Variants in TPRKB observed in about 807,000 individuals in gnomAD.
TPRKB encodes EKC/KEOPS complex subunit TPRKB.
A neutral mutation model predicts 17.8 loss-of-function variants in TPRKB; 11 were observed. The ratio of observed to expected loss-of-function variants is 0.62; its 90% confidence interval spans 0.39 to 1.02. The LOEUF (loss-of-function observed/expected upper bound fraction) is 1.02, where lower values mean the gene tolerates loss of function less well. Among genes scored for constraint, TPRKB ranks in the 50% least tolerant of loss-of-function variants. TPRKB has a pLI of 0.00. For missense variants in TPRKB, 228 were observed against 198.0 expected (o/e 1.15, Z -0.91); for synonymous variants, 71 against 69.5 (o/e 1.02, Z -0.11).
rs765629057 is a variant in TPRKB, at chr2:73,729,968, C to G, written c.503G>C (p.Arg168Thr). The G allele has an allele frequency of 3.8e-6, 6 of 1,572,368 alleles. No individual in the cohort carries two copies. The highest frequency in any genetic ancestry group is 5.2e-6 in the Non-Finnish European group (6 of 1,155,416). Reference protein sequence around the residue: ...IGTLLDAIICRMSTKDVL With the variant: ...IGTLLDAIICTMSTKDVL ...TCATAAAACATCTTTTGTTGACATT[C>G]TACAAATGATAGCATCCAATAATGT... The change falls in exon 5 of 5, where the codon AGA (arginine) becomes ACA (threonine). Residue 168 changes from arginine to threonine, a missense_variant. Coordinates refer to ENST00000272424, the MANE Select transcript of TPRKB (RefSeq NM_016058.5).
Position 73,729,879 on chromosome 2 carries a change from A to C in TPRKB, c.*64T>G. 2 of 1,373,576 alleles carry C rather than the reference A, an allele frequency of 1.5e-6. No homozygotes were observed. The highest frequency in any genetic ancestry group is 1.9e-6 in the Non-Finnish European group (2 of 1,039,954). The allele number at this position is 1,373,576 out of a possible 1,614,324, so 85.1% of individuals were successfully genotyped here. ...TTCTATAATGCACAATTAGTTTTAT[A>C]GTCAGGAAAGGAAAATCAATGTTTT... is the stretch of plus-strand genomic sequence containing the variant. On this transcript the variant is annotated 3_prime_UTR_variant, in exon 5 of 5. Transcript: ENST00000272424.
chr2:73,732,140 A>G (rs1671639206), intron 3 of TPRKB, 23 bp downstream of exon 3: 8 of 1,607,592 alleles, frequency 5.0e-6, no homozygotes, highest in Non-Finnish European at 6.8e-6. Flanking sequence ...CACGGTCAAC[A>G]GAAATAGGAA....
rs1671566301 is a variant in TPRKB, at chr2:73,730,736, T to G, written c.265A>C (p.Ile89Leu). The G allele has an allele frequency of 6.7e-7, 1 of 1,503,540 alleles. No individual in the cohort carries two copies. The highest frequency in any genetic ancestry group is 2.6e-5 in the East Asian group (1 of 38,864). The allele number at this position is 1,503,540 out of a possible 1,614,324, so 93.1% of individuals were successfully genotyped here. A position where few individuals can be genotyped will look rare whatever the true frequency, so the allele number is the denominator to read the frequency against. Residue 89 changes from isoleucine (I) to leucine (L), a missense_variant and splice_region_variant, in exon 4 of 5, where the codon ATT (isoleucine) becomes CTT (leucine). By Grantham distance (5) the Ile-to-Leu change is conservative. Coordinates refer to ENST00000272424, the MANE Select transcript of TPRKB (RefSeq NM_016058.5). ...CCAAATTTTTTCAAAGCCTCTGAAA[T>G]CTAAGAGAAAAAAAATGAAAAAAAA... Reference protein sequence around the residue: ...IIFNLSPNNNISEALKKFGIS... With the variant: ...IIFNLSPNNNLSEALKKFGIS...
intron 4 of TPRKB, 27 bp from the exon 5 acceptor site, chr2:73,730,056 C>T (rs1671525703): frequency 6.5e-7 from 1 of 1,530,946 alleles, no homozygotes; most frequent in Non-Finnish European, 8.8e-7. Flanking sequence ...CAAATTATGA[C>T]TTGCTGATAT....
rs1226613326 is a variant in TPRKB at position 73,730,011 on chromosome 2, G to T, written c.460C>A (p.Gln154Lys). The T allele has an allele frequency of 6.4e-7, 1 of 1,572,018 alleles. No individual in the cohort carries two copies. Among genetic ancestry groups the T allele is most frequent in the African/African-American group, 1.4e-5 (1 of 73,946 alleles). The change falls in exon 5 of 5, where the codon CAA becomes AAA. Residue 154 changes from glutamine to lysine, a missense_variant. Transcript: ENST00000272424. ...EVKKIYKLSS[Q>K]EESIGTLLDA... ...AATAATGTCCCAATACTTTCTTCTT[G>T]TGAAGAGAGTTTATATATCTGTAAA...
At chr2:73,732,332 G>A in intron 2 of TPRKB, 47 bp from the exon 3 acceptor site, 1 of 1,590,364 alleles carries the variant, frequency 6.3e-7, no homozygotes, top group Non-Finnish European at 8.6e-7. Context: ...AGAATCTGCA[G>A]TGCCTGAAAA....
chr2:73,732,182 T>C lies in TPRKB; in HGVS notation c.245A>G (p.Asn82Ser), dbSNP rs147434102. 142 of 1,613,660 alleles carry C rather than the reference T, an allele frequency of 8.8e-5. No homozygotes were observed. The highest frequency in any genetic ancestry group is 3.6e-4 in the East Asian group (16 of 44,874). ...CATTACATTGTTATTTGGGGAAAGG[T>C]TGAAAATAATTTCAGTAGATAGAGT... ...TRTLSTEIIFNLSPNNNISEA... is the reference protein window; with the variant it reads ...TRTLSTEIIFSLSPNNNISEA... Residue 82 changes from asparagine (N) to serine (S), a missense_variant, in exon 3 of 5, where the codon AAC (asparagine) becomes AGC (serine). Transcript: ENST00000272424.
intron 1 of TPRKB, among the ~76,000 whole-genome samples, chr2:73,735,057 A>G (rs150857038): frequency 7.4e-4 from 113 of 152,332 alleles, no homozygotes; most frequent in African/African-American, 2.6e-3. Flanking sequence ...GGCTGGGTGC[A>G]GTGGCTCATG....
In TPRKB at chr2:73,730,549, G is replaced by C; in HGVS notation, c.441+11C>G. 6.4e-7 allele frequency: 1 copy of C among 1,559,884 alleles called. No homozygotes were observed. The highest frequency in any genetic ancestry group is 1.2e-5 in the South Asian group (1 of 82,094). On this transcript the variant is annotated intron_variant, in intron 4 of 4. Coordinates refer to ENST00000272424, the MANE Select transcript of TPRKB (RefSeq NM_016058.5). ...CTATCACACTCTTTCTAAAAATATG[G>C]ACTGGCAAACCTTTTTGACTTCTGT...
At chr2:73,733,246 G>GTTTTTTTTTTTTTTTTTTTTT (rs3076394) in intron 2 of TPRKB, among the ~76,000 whole-genome samples, 4 of 119,378 alleles carry the variant, frequency 3.4e-5, no homozygotes, top group African/African-American at 8.8e-5. Context: ...CGTGTGCCCT[G>GTTTTTTTTTTTTTTTTTTTTT]TTTTTTTGTT....
chr2:73,731,852 C>T (rs558213533), intron 3 of TPRKB: 16 of 213,376 alleles, frequency 7.5e-5, no homozygotes, highest in Middle Eastern at 1.7e-3. Context: ...AAAATATCCA[C>T]GCCTAATGTT....
At chr2:73,734,654 T>A in intron 1 of TPRKB, 63 bp from the exon 2 acceptor site, 1 of 1,373,308 alleles carries the variant, frequency 7.3e-7, no homozygotes, top group Non-Finnish European at 9.8e-7. Flanking sequence ...ACTCATTTCT[T>A]AATAAATATT....
intron 2 of TPRKB, among the ~76,000 whole-genome samples, chr2:73,733,198 T>TAC (rs1246878855): frequency 6.6e-6 from 1 of 151,326 alleles, no homozygotes; most frequent in Non-Finnish European, 1.5e-5. Context: ...GCCTAAGTAG[T>TAC]AGGTCTGGGA....
intron 1 of TPRKB, among the ~76,000 whole-genome samples, chr2:73,736,430 CATA>C (rs1017130879): frequency 3.3e-5 from 5 of 152,170 alleles, no homozygotes; most frequent in Admixed American, 6.5e-5. Context: ...CATGAGTACA[CATA>C]ATAAGAAAGG....
rs747967676 is a variant in TPRKB, at chr2:73,730,029, T to C, written c.442A>G (p.Ile148Val). The C allele has an allele frequency of 5.1e-6, 8 of 1,557,426 alleles. No individual in the cohort carries two copies. The East Asian group carries it at 1.8e-4, about 36-fold the overall frequency. Reference protein sequence around the residue: ...EIMNITEVKKIYKLSSQEESI... With the variant: ...EIMNITEVKKVYKLSSQEESI... ...TCTTCTTGTGAAGAGAGTTTATATA[T>C]CTGTAAAAATGAAAGACAAATTATG... is the stretch of plus-strand genomic sequence containing the variant. The change falls in exon 5 of 5, where the codon ATA (isoleucine) becomes GTA (valine). Residue 148 changes from isoleucine (I) to valine (V), a missense_variant and splice_region_variant. Ile to Val is a conservative substitution (Grantham distance 29). Transcript: ENST00000272424.
At position 73,734,647 on chromosome 2, in the gene TPRKB, C is replaced by T. The variant is rs1671797360; in HGVS notation, c.-22-56G>A. ...TCATTTAAAAGTTAACATCAGAACT[C>T]ATTTCTTAATAAATATTCAAAAACT... On this transcript the variant is annotated intron_variant, in intron 1 of 4. Coordinates refer to ENST00000272424, the MANE Select transcript of TPRKB (RefSeq NM_016058.5). The T allele has an allele frequency of 5.0e-6, 7 of 1,401,364 alleles. No homozygotes were observed. The Admixed American group carries it at 1.5e-4, about 30-fold the overall frequency. The allele number at this position is 1,401,364 out of a possible 1,614,324, so 86.8% of individuals were successfully genotyped here. A position where few individuals can be genotyped will look rare whatever the true frequency, so the allele number is the denominator to read the frequency against.
At chr2:73,730,377 T>C (rs1333600774) in intron 4 of TPRKB, 183 bp downstream of exon 4, 3 of 492,840 alleles carry the variant, frequency 6.1e-6, no homozygotes, top group Non-Finnish European at 6.9e-6. Flanking sequence ...AGTTTGTAAT[T>C]ATATTTTACA....
chr2:73,734,612 C>A (rs1192000246), intron 1 of TPRKB, 21 bp from the exon 2 acceptor site: 5 of 1,529,270 alleles, frequency 3.3e-6, no homozygotes, highest in South Asian at 1.3e-5. Flanking sequence ...AATGAAAAGA[C>A]CAAAAGATTT....
rs749744467 is a variant in TPRKB at position 73,730,712 on chromosome 2, C to T, written c.289G>A (p.Gly97Ser). The T allele has an allele frequency of 1.3e-6, 2 of 1,500,012 alleles. No homozygotes were observed. The highest frequency in any genetic ancestry group is 8.8e-7 in the Non-Finnish European group (1 of 1,132,804). The allele number at this position is 1,500,012 out of a possible 1,614,324, so 92.9% of individuals were successfully genotyped here. ...NNISEALKKFGISANDTSILI... is the reference protein window; with the variant it reads ...NNISEALKKFSISANDTSILI... ...ATTGAAGTGTCATTTGCTGAGATAC[C>T]AAATTTTTTCAAAGCCTCTGAAATC... Residue 97 changes from glycine (G) to serine (S), a missense_variant, in exon 4 of 5, where the codon GGT (glycine) becomes AGT (serine). By Grantham distance (56) the Gly-to-Ser change is moderately conservative. Transcript: ENST00000272424.
Sources: gnomAD v4.1 joint callset for allele counts (sites outside exome capture counted in the v4.1 genomes callset) on GRCh38, gnomAD v4.1.1 for gene constraint, MANE v1.5 for transcripts, NCBI Gene and HGNC (gene_info 2026-07-23, HGNC 2026-07-21) for gene names.